Variants in MILR1 observed in about 807,000 individuals in gnomAD.
The protein encoded by MILR1 is allergin-1.
Under a neutral mutation model 18.5 loss-of-function variants are expected in MILR1, and 31 were observed. The observed-to-expected ratio is 1.68, with a 90% confidence interval of 1.26 to 2.26. MILR1 has a LOEUF of 2.26. MILR1 is among the 30% of genes most tolerant of loss of function. The pLI, the probability that MILR1 is intolerant of heterozygous loss-of-function variation, is 0.00. For missense variants in MILR1, 257 were observed against 157.4 expected, an observed-to-expected ratio of 1.63 and a Z score of -3.38; for synonymous variants, 85 against 56.2, an observed-to-expected ratio of 1.51 and a Z score of -2.30.
At chr17:64,465,825 AT>A (rs1479689039) in intron 6 of MILR1, among the ~76,000 whole-genome samples, 2 of 151,356 alleles carry the variant, frequency 1.3e-5, no homozygotes, top group Non-Finnish European at 2.9e-5. Context: ...TATCTTGGAG[AT>A]TTTTCACATC....
chr17:64,450,564 CCGCCT>C (rs2037147206), intron 2 of MILR1, among the ~76,000 whole-genome samples: 2,986 of 152,224 alleles, frequency 0.02, 91 homozygotes, highest in African/African-American at 0.067. Flanking sequence ...ACTGCAACCT[CCGCCT>C]CCTGGGTTCA....
At chr17:64,492,587 T>C in the MILR1 span, 4 of 778,236 alleles carry the variant, frequency 5.1e-6, no homozygotes, top group Admixed American at 8.1e-5. Context: ...TATAATTTCT[T>C]GTATGTCAGA....
chr17:64,465,967 T>C, intron 6 of MILR1, among the ~76,000 whole-genome samples: 1 of 152,162 alleles, frequency 6.6e-6, no homozygotes, highest in Non-Finnish European at 1.5e-5. Context: ...CATGCTACTA[T>C]AAGGACATAC....
intron 5 of MILR1, among the ~76,000 whole-genome samples, chr17:64,462,174 T>TTC (rs1194800790): frequency 1.3e-5 from 2 of 151,888 alleles, no homozygotes; most frequent in Admixed American, 6.6e-5. Context: ...GTTCCTTTTT[T>TTC]TCTCTCTCTC....
the MILR1 span, chr17:64,497,028 A>G: frequency 1.3e-6 from 2 of 1,502,248 alleles, no homozygotes; most frequent in South Asian, 2.3e-5. Context: ...ACAAGCCACC[A>G]CTACCGTTAA....
chr17:64,476,830 A>C, the MILR1 span, among the ~76,000 whole-genome samples: 2 of 150,636 alleles, frequency 1.3e-5, no homozygotes, highest in Admixed American at 6.6e-5. Context: ...TCTACAAAAA[A>C]AATTAAAATT....
At chr17:64,486,944 T>G in the MILR1 span, 20 of 152,358 alleles carry the variant, frequency 1.3e-4, no homozygotes, top group Admixed American at 3.9e-4. Flanking sequence ...CTTAAAAATT[T>G]CAATCCTAGA....
downstream of MILR1, among the ~76,000 whole-genome samples, chr17:64,470,361 T>C (rs2037669035): frequency 6.6e-6 from 1 of 152,214 alleles, no homozygotes; most frequent in South Asian, 2.1e-4. Context: ...CCCAAAGTGC[T>C]GGGATTACAG....
At chr17:64,496,420 C>T in the MILR1 span, 2 of 1,579,048 alleles carry the variant, frequency 1.3e-6, no homozygotes, top group East Asian at 4.5e-5. Flanking sequence ...GAAGAAGGTT[C>T]TCCCGTAGTT....
intron 5 of MILR1, among the ~76,000 whole-genome samples, chr17:64,462,643 C>CT (rs1326810820): frequency 0.062 from 8,854 of 142,372 alleles, 379 homozygotes; most frequent in African/African-American, 0.13. Flanking sequence ...CCCACAATTA[C>CT]TTTTTTTTTT....
At chr17:64,476,878 A>G in the MILR1 span, among the ~76,000 whole-genome samples, 1 of 152,070 alleles carries the variant, frequency 6.6e-6, no homozygotes, top group African/African-American at 2.4e-5. Context: ...ACCAAGTAAA[A>G]TCAATTAAGT....
At chr17:64,485,008 A>C in the MILR1 span, 1 of 152,312 alleles carries the variant, frequency 6.6e-6, no homozygotes, top group Admixed American at 6.5e-5. Flanking sequence ...CTGAGAAAAT[A>C]GAGGGCATCA....
intron 5 of MILR1, among the ~76,000 whole-genome samples, chr17:64,461,824 G>A (rs1186433092): frequency 6.6e-6 from 1 of 151,988 alleles, no homozygotes; most frequent in African/African-American, 2.4e-5. Flanking sequence ...ATCTCCATTA[G>A]TTTGACTCCT....
chr17:64,451,760 C>T (rs1301774721), intron 2 of MILR1, among the ~76,000 whole-genome samples: 5 of 151,870 alleles, frequency 3.3e-5, no homozygotes, highest in Admixed American at 2.6e-4. Context: ...TGGTGAAACC[C>T]TGTCTCTACC....
intron 3 of MILR1, 78 bp downstream of exon 3, chr17:64,452,944 C>T: frequency 2.2e-6 from 1 of 447,330 alleles, no homozygotes; most frequent in Non-Finnish European, 4.1e-6. Context: ...TCTCCATGAT[C>T]CTTGTGAACA....
the MILR1 span, chr17:64,496,405 AC>A: frequency 6.4e-7 from 1 of 1,560,790 alleles, no homozygotes; most frequent in South Asian, 1.2e-5. Context: ...CGTGAAGCAT[AC>A]CGTGAAGAAG....
chr17:64,455,161 C>CT (rs1368697853), intron 3 of MILR1, among the ~76,000 whole-genome samples: 1 of 152,214 alleles, frequency 6.6e-6, no homozygotes, highest in Non-Finnish European at 1.5e-5. Context: ...AGTGGTCAGA[C>CT]TCCTGCTGCA....
intron 3 of MILR1, among the ~76,000 whole-genome samples, chr17:64,455,391 A>G (rs2037268765): frequency 1.3e-5 from 2 of 152,132 alleles, no homozygotes; most frequent in South Asian, 4.1e-4. Context: ...GTTGTCTCCA[A>G]CCCAGTAAGG....
the MILR1 span, chr17:64,481,294 C>T: frequency 1.1e-5 from 11 of 985,264 alleles, no homozygotes; most frequent in Non-Finnish European, 1.1e-5. Flanking sequence ...CTTCTTTGAG[C>T]TCACTATCTC....
Sources: allele counts gnomAD v4.1 joint callset (sites outside exome capture counted in the v4.1 genomes callset), GRCh38; gene constraint gnomAD v4.1.1; transcripts MANE v1.5; gene names NCBI Gene and HGNC (gene_info 2026-07-23, HGNC 2026-07-21).